Variants in DLGAP2 observed in about 807,000 individuals in gnomAD.
DLGAP2 encodes disks large-associated protein 2.
A neutral mutation model predicts 100.3 loss-of-function variants in DLGAP2; 26 were observed. The ratio of observed to expected loss-of-function variants is 0.26; its 90% CI spans 0.19 to 0.36. The LOEUF (loss-of-function observed/expected upper bound fraction) is 0.36. DLGAP2 is among the 10% of genes least tolerant of loss of function. The pLI, the probability that DLGAP2 is intolerant of heterozygous loss-of-function variation, is 1.00. For synonymous variants in DLGAP2, 886 were observed against 630.1 expected (o/e 1.41, Z -6.08); for missense variants, 1,858 against 1,453.2 (o/e 1.28, Z -4.53).
intron 3 of DLGAP2, among the ~76,000 whole-genome samples, chr8:1,473,735 T>C (rs1475586773): frequency 6.6e-6 from 1 of 152,180 alleles, no homozygotes; most frequent in Admixed American, 6.5e-5. Flanking sequence ...CACTGAATCA[T>C]GGGGTGGGTC....
At chr8:1,560,881 C>G (rs577330408) in intron 5 of DLGAP2, among the ~76,000 whole-genome samples, 2 of 152,358 alleles carry the variant, frequency 1.3e-5, no homozygotes, top group African/African-American at 4.8e-5. Context: ...TGTCTCTTAC[C>G]TGACCTACAG....
rs74747047 is a variant in DLGAP2, at chr8:1,260,919, G to A, written c.106+2036G>A. Among the ~76,000 whole-genome samples, 1,074 of 152,302 alleles carry A rather than the reference G, an allele frequency of 7.1e-3. 22 individuals carry two copies. Among genetic ancestry groups the A allele is most frequent in the East Asian group, 0.069 (358 of 5,174 alleles). ...CACCACTGACGTCAGGCCAGAGTGC[G>A]TGGTCCTGGACAATCCCAGGGTCAC... On this transcript the variant is annotated intron_variant, in intron 3 of 14. Coordinates refer to ENST00000637795, the MANE Select transcript of DLGAP2 (RefSeq NM_001346810.2).
chr8:1,044,395 C>T (rs1367357006), intron 2 of DLGAP2, among the ~76,000 whole-genome samples: 1 of 152,226 alleles, frequency 6.6e-6, no homozygotes, highest in Non-Finnish European at 1.5e-5. Context: ...CTCTCCTCCA[C>T]CTGCCCAGGT....
At chr8:1,276,013 T>C (rs1347257846) in intron 3 of DLGAP2, among the ~76,000 whole-genome samples, 6 of 134,432 alleles carry the variant, frequency 4.5e-5, no homozygotes, top group Non-Finnish European at 9.2e-5. Flanking sequence ...TAAATAGATA[T>C]AGAATATATA....
intron 2 of DLGAP2, among the ~76,000 whole-genome samples, chr8:1,208,510 C>G (rs1006737894): frequency 5.3e-5 from 8 of 152,198 alleles, no homozygotes; most frequent in African/African-American, 1.9e-4. Flanking sequence ...GACACACTAA[C>G]AGCCAACATT....
chr8:1,547,811 C>T (rs943507514), intron 4 of DLGAP2, among the ~76,000 whole-genome samples: 1 of 152,188 alleles, frequency 6.6e-6, no homozygotes, highest in African/African-American at 2.4e-5. Context: ...GGAGGCACAG[C>T]TGCCCCCACA....
chr8:1,275,296 A>T (rs1486490215), intron 3 of DLGAP2, among the ~76,000 whole-genome samples: 1 of 151,994 alleles, frequency 6.6e-6, no homozygotes, highest in African/African-American at 2.4e-5. Flanking sequence ...ATCGTAGCTT[A>T]CTAGATGCCC....
intron 2 of DLGAP2, chr8:1,019,780 A>T (rs1055731408): frequency 7.9e-5 from 12 of 152,190 alleles, no homozygotes; most frequent in African/African-American, 2.9e-4. Flanking sequence ...CCTAGCACCT[A>T]TGTCAGACTG....
intron 1 of DLGAP2, among the ~76,000 whole-genome samples, chr8:851,413 C>T (rs1199707335): frequency 6.6e-6 from 1 of 152,212 alleles, no homozygotes; most frequent in Non-Finnish European, 1.5e-5. Flanking sequence ...GACATGTAAG[C>T]TCATCGCTGC....
intron 3 of DLGAP2, among the ~76,000 whole-genome samples, chr8:1,461,992 G>C (rs1281553677): frequency 2.1e-5 from 1 of 46,736 alleles, no homozygotes; most frequent in Non-Finnish European, 3.8e-5. Context: ...TTTGGGTTGG[G>C]AGAAGGTGCT....
At chr8:1,090,714 C>A (rs1171682188) in intron 2 of DLGAP2, among the ~76,000 whole-genome samples, 1 of 152,126 alleles carries the variant, frequency 6.6e-6, no homozygotes, top group Non-Finnish European at 1.5e-5. Context: ...CCAGGGCACC[C>A]TGGGGTTTGT....
At chr8:842,033 A>T (rs920364079) in intron 1 of DLGAP2, among the ~76,000 whole-genome samples, 1 of 152,118 alleles carries the variant, frequency 6.6e-6, no homozygotes, top group Non-Finnish European at 1.5e-5. Context: ...CCTTTCTCAC[A>T]TGCTCCCCTG....
rs375760859 is a variant in DLGAP2 at position 1,010,281 on chromosome 8, CAT to C, written c.73+102318_73+102319del. On this transcript the variant is annotated intron_variant, in intron 2 of 14. Transcript: ENST00000637795. ...GCACACATGCACACACACATTCTCA[CAT>C]ATGTGTGTACACTCAGATATCAGTT... 5.3e-3 allele frequency among the ~76,000 whole-genome samples: 788 copies of C among 147,372 alleles called. 11 individuals carry two copies. Among genetic ancestry groups the C allele is most frequent in the African/African-American group, 0.019 (732 of 39,348 alleles).
chr8:1,381,910 G>A (rs1384663299), intron 3 of DLGAP2, among the ~76,000 whole-genome samples: 5 of 151,188 alleles, frequency 3.3e-5, no homozygotes, highest in East Asian at 2.0e-4. Flanking sequence ...TAAAATGTAC[G>A]TTTCTTGTCT....
At chr8:836,718 C>T (rs1796884017) in intron 1 of DLGAP2, among the ~76,000 whole-genome samples, 1 of 152,188 alleles carries the variant, frequency 6.6e-6, no homozygotes, top group Admixed American at 6.5e-5. Context: ...CCTGCTGGGG[C>T]CAGGGCCGCG....
At chr8:1,302,943 T>A (rs1416038233) in intron 3 of DLGAP2, among the ~76,000 whole-genome samples, 4 of 151,926 alleles carry the variant, frequency 2.6e-5, no homozygotes, top group African/African-American at 7.2e-5. Flanking sequence ...CAGTAAAACA[T>A]GCACGTCCTT....
chr8:1,412,532 C>G (rs529512835), intron 3 of DLGAP2, among the ~76,000 whole-genome samples: 1 of 152,214 alleles, frequency 6.6e-6, no homozygotes, highest in Non-Finnish European at 1.5e-5. Context: ...TCAGCTTGGC[C>G]TTGTGTATCC....
intron 7 of DLGAP2, among the ~76,000 whole-genome samples, chr8:1,628,259 C>G (rs1439705102): frequency 6.9e-6 from 1 of 144,708 alleles, no homozygotes. Context: ...GGATTAAGAG[C>G]CTGAGCTGAC....
intron 2 of DLGAP2, among the ~76,000 whole-genome samples, chr8:1,224,466 G>T (rs926374810): frequency 6.6e-6 from 1 of 152,038 alleles, no homozygotes; most frequent in African/African-American, 2.4e-5. Context: ...TCACATTCAG[G>T]TGTTTATTTC....
Sources: allele counts gnomAD v4.1 joint callset (sites outside exome capture counted in the v4.1 genomes callset), GRCh38; gene constraint gnomAD v4.1.1; transcripts MANE v1.5; gene names NCBI Gene and HGNC (gene_info 2026-07-23, HGNC 2026-07-21).